Variants in PPIL2 observed in about 807,000 individuals in gnomAD.
The protein encoded by PPIL2 is peptidylprolyl isomerase like 2.
PPIL2 carries 50 observed loss-of-function variants against 75.2 expected under a neutral mutation model. The ratio of observed to expected loss-of-function variants is 0.66; its 90% CI spans 0.53 to 0.84. The LOEUF is 0.84. Among genes scored for constraint, PPIL2 ranks in the 40% least tolerant of loss-of-function variants. PPIL2 has a pLI of 0.00. For synonymous variants in PPIL2, 245 were observed against 258.8 expected (o/e 0.95, Z 0.51); for missense variants, 590 against 685.0 (o/e 0.86, Z 1.55).
intron 16 of PPIL2, among the ~76,000 whole-genome samples, chr22:21,694,331 G>A (rs575284853): frequency 6.6e-6 from 1 of 152,042 alleles, no homozygotes; most frequent in Non-Finnish European, 1.5e-5. Context: ...CACAAGCCAC[G>A]TTTTGTGACT....
chr22:21,672,180 G>A, intron 4 of PPIL2, 150 bp from the exon 5 acceptor site: 2 of 631,768 alleles, frequency 3.2e-6, no homozygotes, highest in Non-Finnish European at 5.7e-6. Context: ...CCAACTTCCT[G>A]AGACAAGATG....
chr22:21,695,214 G>A (rs2067868673), intron 19 of PPIL2, 144 bp downstream of exon 19: 1 of 1,360,940 alleles, frequency 7.3e-7, no homozygotes, highest in East Asian at 2.5e-5. Flanking sequence ...CTGCAGCCGA[G>A]GGACTGCCTC....
At chr22:21,670,049 C>A in intron 2 of PPIL2, 87 bp downstream of exon 2, 2 of 1,348,752 alleles carry the variant, frequency 1.5e-6, no homozygotes, top group Non-Finnish European at 2.1e-6. Context: ...TAAAAATAGA[C>A]AACAAGAACA....
At chr22:21,673,877 G>A (rs1396104166) in intron 5 of PPIL2, among the ~76,000 whole-genome samples, 1 of 152,150 alleles carries the variant, frequency 6.6e-6, no homozygotes. Context: ...CTCTGCTCAG[G>A]TCCTGTGTCT....
rs150305358 is a variant in PPIL2, at chr22:21,685,703, C to CT, written c.715-780_715-779insT. ...TTCAAGTGAGAGCCTCCTGCCTTGGCCTCCGAAAGTGCTGGAATTACAGGT... is the reference window on the plus strand; with the variant it reads ...TTCAAGTGAGAGCCTCCTGCCTTGGCTCTCCGAAAGTGCTGGAATTACAGGT... On this transcript the variant is annotated intron_variant, in intron 10 of 19. Transcript: ENST00000398831. 4.3e-3 allele frequency: 1,937 copies of CT among 452,118 alleles called. 24 individuals are homozygous for CT. The highest frequency in any genetic ancestry group is 0.036 in the African/African-American group (1,787 of 49,658). 28.0% of individuals were successfully genotyped at this position (452,118 alleles called of 1,614,324 possible). A position where few individuals can be genotyped will look rare whatever the true frequency, so the allele number is the denominator to read the frequency against.
rs1423290476 is a variant in PPIL2 at position 21,696,724 on chromosome 22, G to A, written c.*1234G>A. 6.5e-7 allele frequency: 1 copy of A among 1,536,914 alleles called. No homozygotes were observed. The highest frequency in any genetic ancestry group is 8.7e-7 in the Non-Finnish European group (1 of 1,146,420). On this transcript the variant is annotated 3_prime_UTR_variant, in exon 20 of 20. Transcript: ENST00000398831. ...TGTTCTTGGTTTTCTCATTTTTGTT[G>A]CCCCAAATCTTGAACCTGTCAGCAA...
chr22:21,676,309 TTGTGTGTGTGTG>T (rs61112126), intron 6 of PPIL2, among the ~76,000 whole-genome samples: 1 of 123,064 alleles, frequency 8.1e-6, no homozygotes, highest in Admixed American at 8.5e-5. Context: ...TTTATTTATT[TTGTGTGTGTGTG>T]TGTGTGTGTG....
chr22:21,693,079 ACT>A (rs1391302453), intron 15 of PPIL2, among the ~76,000 whole-genome samples: 4 of 151,302 alleles, frequency 2.6e-5, no homozygotes, highest in Non-Finnish European at 5.9e-5. Flanking sequence ...CTTGAGACAG[ACT>A]CTGTCGCCCA....
At chr22:21,669,112 G>T (rs1399542903) in intron 1 of PPIL2, among the ~76,000 whole-genome samples, 1 of 150,834 alleles carries the variant, frequency 6.6e-6, no homozygotes, top group African/African-American at 2.4e-5. Flanking sequence ...GCCTCCCAAA[G>T]TGCTGGGATT....
chr22:21,681,188 C>T lies in PPIL2; in HGVS notation c.296-111C>T, dbSNP rs923350208. 7 of 839,074 alleles carry T rather than the reference C, an allele frequency of 8.3e-6. No individual in the cohort carries two copies. The African/African-American group carries it at 9.9e-5, about 12-fold the overall frequency. 52.0% of individuals were successfully genotyped at this position (839,074 alleles called of 1,614,324 possible). On this transcript the variant is annotated intron_variant, in intron 6 of 19. Coordinates refer to ENST00000398831, the MANE Select transcript of PPIL2 (RefSeq NM_014337.4). ...GGCAGCTGACATGGGGTTCCACCTC[C>T]TCCCATCGCTGACTTTGGAGTTCTG...
intron 19 of PPIL2, 66 bp downstream of exon 19, chr22:21,695,136 G>T: frequency 1.3e-6 from 2 of 1,492,338 alleles, no homozygotes; most frequent in South Asian, 1.3e-5. Flanking sequence ...GAGGTCTGAG[G>T]GTCAGACCCA....
At chr22:21,675,236 T>A (rs2066790493) in intron 6 of PPIL2, 121 bp downstream of exon 6, 1 of 982,316 alleles carries the variant, frequency 1.0e-6, no homozygotes, top group Admixed American at 2.2e-5. Context: ...CTGCTTTTAA[T>A]TCCGCAAAAA....
chr22:21,676,171 T>C (rs1222438125), intron 6 of PPIL2, among the ~76,000 whole-genome samples: 1 of 151,970 alleles, frequency 6.6e-6, no homozygotes, highest in African/African-American at 2.4e-5. Context: ...CAGCACGTCA[T>C]TGACGTCGGT....
At chr22:21,685,170 G>A (rs2067305694) in intron 10 of PPIL2, among the ~76,000 whole-genome samples, 1 of 152,230 alleles carries the variant, frequency 6.6e-6, no homozygotes, top group Non-Finnish European at 1.5e-5. Context: ...ACCAAGGGGT[G>A]TGTGGGGGCA....
chr22:21,682,395 G>A, intron 7 of PPIL2, 42 bp from the exon 8 acceptor site: 1 of 1,555,840 alleles, frequency 6.4e-7, no homozygotes, highest in Non-Finnish European at 8.9e-7. Context: ...CTGTGCCAAG[G>A]CTTGGGGCAG....
At chr22:21,675,541 A>C (rs1334535493) in intron 6 of PPIL2, among the ~76,000 whole-genome samples, 4 of 152,186 alleles carry the variant, frequency 2.6e-5, no homozygotes, top group Non-Finnish European at 4.4e-5. Flanking sequence ...TCTCAAAAAA[A>C]AAAGGTGTCA....
chr22:21,686,225 C>T (rs1444138201), intron 10 of PPIL2, among the ~76,000 whole-genome samples: 1 of 152,158 alleles, frequency 6.6e-6, no homozygotes, highest in Non-Finnish European at 1.5e-5. Context: ...CTGAGGTGGC[C>T]AGTCCTGTGT....
chr22:21,670,185 G>T (rs772461368), intron 2 of PPIL2: 23 of 938,448 alleles, frequency 2.5e-5, no homozygotes, highest in Non-Finnish European at 3.6e-5. Context: ...ATTCCCCGAT[G>T]CTGGGAGCTA....
At chr22:21,671,138 T>C (rs2066617399) in intron 4 of PPIL2, 79 bp downstream of exon 4, 3 of 1,390,366 alleles carry the variant, frequency 2.2e-6, no homozygotes, top group Non-Finnish European at 3.1e-6. Context: ...TTGGTACCCT[T>C]GGGTAGGGCT....
Sources: gnomAD v4.1 joint callset for allele counts (sites outside exome capture counted in the v4.1 genomes callset) on GRCh38, gnomAD v4.1.1 for gene constraint, MANE v1.5 for transcripts, NCBI Gene and HGNC (gene_info 2026-07-23, HGNC 2026-07-21) for gene names.